VRK2: variants seen among roughly 807,000 people sequenced by gnomAD.
VRK2 encodes serine/threonine-protein kinase VRK2.
A neutral mutation model predicts 57.6 loss-of-function variants in VRK2; 60 were observed. The ratio of observed to expected loss-of-function variants is 1.04; its 90% CI spans 0.85 to 1.29. The LOEUF (loss-of-function observed/expected upper bound fraction) is 1.29. Among genes scored for constraint, VRK2 ranks in the 50% most tolerant of loss-of-function variants. VRK2 has a pLI of 0.00. For missense variants in VRK2, 705 were observed against 588.1 expected (o/e 1.20, Z -2.06); for synonymous variants, 231 against 199.2 (o/e 1.16, Z -1.35).
At chr2:58,088,250 T>A in intron 5 of VRK2, 91 bp from the exon 6 acceptor site, 2 of 870,872 alleles carry the variant, frequency 2.3e-6, no homozygotes, top group Non-Finnish European at 3.7e-6. Context: ...AGTTGTTAGG[T>A]TGAGCGTAAT....
chr2:58,111,668 C>T (rs1248064984), intron 7 of VRK2, among the ~76,000 whole-genome samples: 1 of 152,054 alleles, frequency 6.6e-6, no homozygotes, highest in Non-Finnish European at 1.5e-5. Context: ...CGCAAATAAT[C>T]ACACCTACCT....
intron 11 of VRK2, among the ~76,000 whole-genome samples, 164 bp downstream of exon 11, chr2:58,139,996 T>C (rs1681085799): frequency 6.6e-6 from 1 of 152,102 alleles, no homozygotes; most frequent in African/African-American, 2.4e-5. Flanking sequence ...CCAAGTTCTT[T>C]TGACCTGTTG....
At chr2:58,156,608 G>GTT (rs1288221355) in intron 12 of VRK2, among the ~76,000 whole-genome samples, 1 of 149,382 alleles carries the variant, frequency 6.7e-6, no homozygotes, top group Non-Finnish European at 1.5e-5. Context: ...GTTTTGTTTT[G>GTT]TTTTGTTTTT....
At chr2:58,037,613 C>T (rs1674318020) in intron 3 of VRK2, among the ~76,000 whole-genome samples, 2 of 152,088 alleles carry the variant, frequency 1.3e-5, no homozygotes, top group Admixed American at 1.3e-4. Flanking sequence ...CCTTCCTACT[C>T]AAGAGTATTC....
upstream of VRK2, among the ~76,000 whole-genome samples, chr2:58,042,440 C>T (rs1392487473): frequency 2.0e-5 from 3 of 152,106 alleles, no homozygotes; most frequent in Non-Finnish European, 4.4e-5. Flanking sequence ...CTGATTTTTA[C>T]AGAACAAAAA....
intron 1 of VRK2, among the ~76,000 whole-genome samples, chr2:57,971,914 C>A (rs13431326): frequency 0.062 from 9,390 of 151,882 alleles, 981 homozygotes; most frequent in African/African-American, 0.21. Context: ...ATTATGTATT[C>A]ATGTATTTAA....
intron 3 of VRK2, among the ~76,000 whole-genome samples, chr2:58,038,400 G>C (rs548265279): frequency 1.3e-5 from 2 of 152,230 alleles, no homozygotes; most frequent in East Asian, 3.9e-4. Flanking sequence ...CTTAATAGCA[G>C]TGTGAAAATG....
intron 1 of VRK2, among the ~76,000 whole-genome samples, chr2:57,964,895 A>C (rs935207020): frequency 2.0e-5 from 3 of 151,186 alleles, no homozygotes; most frequent in Non-Finnish European, 3.0e-5. Context: ...AAAAAAAAAA[A>C]AAAAAAAAAA....
chr2:57,911,602 C>T (rs1669987768), intron 1 of VRK2, among the ~76,000 whole-genome samples: 1 of 152,182 alleles, frequency 6.6e-6, no homozygotes, highest in Middle Eastern at 3.4e-3. Flanking sequence ...GAGGTAAGTA[C>T]TGGAAAGAGG....
intron 1 of VRK2, among the ~76,000 whole-genome samples, chr2:57,963,743 G>T (rs72808477): frequency 0.12 from 18,684 of 152,160 alleles, 1,232 homozygotes; most frequent in East Asian, 0.18. Flanking sequence ...CATTTTTATA[G>T]TTTCTTTTTA....
intron 2 of VRK2, among the ~76,000 whole-genome samples, chr2:58,057,649 A>G (rs1259579536): frequency 1.3e-5 from 2 of 152,196 alleles, no homozygotes; most frequent in East Asian, 1.9e-4. Context: ...TAAGAAATCA[A>G]CTTTTCAAAG....
chr2:57,949,078 A>AGGG (rs1671346718), intron 1 of VRK2, among the ~76,000 whole-genome samples: 1 of 141,274 alleles, frequency 7.1e-6, no homozygotes, highest in African/African-American at 2.7e-5. Flanking sequence ...GGTGGGGGAC[A>AGGG]GGGGGCGGGA....
chr2:58,137,739 G>A (rs1353293718), intron 10 of VRK2, among the ~76,000 whole-genome samples: 1 of 152,042 alleles, frequency 6.6e-6, no homozygotes, highest in East Asian at 1.9e-4. Flanking sequence ...TCTCTTGATA[G>A]TAATGATACT....
chr2:58,026,309 CAT>C (rs1257775616), intron 2 of VRK2, among the ~76,000 whole-genome samples: 3 of 151,820 alleles, frequency 2.0e-5, no homozygotes, highest in Non-Finnish European at 4.4e-5. Context: ...CACATGTGCA[CAT>C]GTGTGAGAAA....
chr2:58,020,665 T>C (rs892210624), intron 1 of VRK2, among the ~76,000 whole-genome samples: 1 of 152,230 alleles, frequency 6.6e-6, no homozygotes, highest in Non-Finnish European at 1.5e-5. Context: ...TCATAAGAAA[T>C]TGTGGATGCT....
In VRK2 at chr2:58,078,858, G is replaced by A. The variant is rs181627615; in HGVS notation, c.137-5231G>A. On this transcript the variant is annotated intron_variant, in intron 2 of 12. Coordinates refer to ENST00000340157, the MANE Select transcript of VRK2 (RefSeq NM_006296.7). ...ATTTTGCCCATTTTTTATTATTTTA[G>A]AGAAAGGGTAACTCTGTGTTGCCCA... Among the ~76,000 whole-genome samples, 64 of 152,134 alleles carry A rather than the reference G, an allele frequency of 4.2e-4. No homozygotes were observed. The East Asian group carries it at 9.9e-3, about 23-fold the overall frequency.
intron 1 of VRK2, among the ~76,000 whole-genome samples, chr2:57,986,193 C>A (rs537415000): frequency 6.6e-6 from 1 of 151,598 alleles, no homozygotes; most frequent in African/African-American, 2.4e-5. Flanking sequence ...TAACTTGAAT[C>A]AAGTCATCTC....
chr2:58,083,196 T>A (rs1306921955), intron 2 of VRK2, among the ~76,000 whole-genome samples: 1 of 151,772 alleles, frequency 6.6e-6, no homozygotes, highest in Non-Finnish European at 1.5e-5. Flanking sequence ...CTTAACACAG[T>A]GCCTGGCATA....
Position 58,159,648 on chromosome 2 carries a change from A to C in VRK2, c.1482A>C (p.Ile494=). 4 of 1,613,676 alleles carry C rather than the reference A, an allele frequency of 2.5e-6. No individual in the cohort carries two copies. The highest frequency in any genetic ancestry group is 3.4e-6 in the Non-Finnish European group (4 of 1,179,742). Reference sequence around the variant, plus strand: ...ATGTTTATTATTATCGCATCATCATACCTGTCCTTTTGATGTTAGTATTTC... The same window carrying C: ...ATGTTTATTATTATCGCATCATCATCCCTGTCCTTTTGATGTTAGTATTTC... The part of the protein sequence containing the change: ...NADVYYYRII[I]PVLLMLVFLA... Residue 494 remains isoleucine (I), a synonymous_variant, in exon 13 of 13, where the codon ATA becomes ATC. Coordinates refer to ENST00000340157, the MANE Select transcript of VRK2 (RefSeq NM_006296.7).
Sources: gnomAD v4.1 joint callset for allele counts (sites outside exome capture counted in the v4.1 genomes callset) on GRCh38, gnomAD v4.1.1 for gene constraint, MANE v1.5 for transcripts, NCBI Gene and HGNC (gene_info 2026-07-23, HGNC 2026-07-21) for gene names.